The following NHERF2 variants were observed in gnomAD, a reference collection of about 807,000 sequenced individuals.
NHERF2 encodes the protein NHERF family PDZ scaffold protein 2.
chr16:2,033,272 G>C, the NHERF2 span: 61 of 1,530,114 alleles, frequency 4.0e-5, no homozygotes, highest in African/African-American at 7.9e-4. Flanking sequence ...GTAGATAAGT[G>C]GGGTGGCAGC....
the NHERF2 span, chr16:2,038,099 A>G: frequency 7.5e-7 from 1 of 1,339,660 alleles, no homozygotes; most frequent in Non-Finnish European, 1.0e-6. Context: ...GCCATTGCCC[A>G]GAAATCAGCC....
chr16:2,036,962 GCCGTCAC>G, the NHERF2 span: 1 of 1,555,384 alleles, frequency 6.4e-7, no homozygotes, highest in Non-Finnish European at 8.7e-7. Flanking sequence ...CAGGTCCTCT[GCCGTCAC>G]CCGTCACCAA....
the NHERF2 span, chr16:2,033,356 C>T: frequency 1.3e-6 from 2 of 1,533,206 alleles, no homozygotes; most frequent in Non-Finnish European, 1.7e-6. Context: ...GCTGTCATGG[C>T]ACGCTCCGGG....
At chr16:2,035,382 C>T in the NHERF2 span, 1 of 985,662 alleles carries the variant, frequency 1.0e-6, no homozygotes, top group Non-Finnish European at 1.2e-6. Flanking sequence ...CCTTGCCATG[C>T]CGCCCCAGCC....
chr16:2,031,359 G>A, the NHERF2 span, among the ~76,000 whole-genome samples: 6 of 152,158 alleles, frequency 3.9e-5, no homozygotes, highest in Non-Finnish European at 5.9e-5. Context: ...GAGGGTTGGG[G>A]CCTCCCTCTT....
At chr16:2,033,452 A>G in the NHERF2 span, 1 of 1,513,704 alleles carries the variant, frequency 6.6e-7, no homozygotes, top group African/African-American at 1.4e-5. Flanking sequence ...GGTGGGAGGA[A>G]GGGAGGGCTA....
At chr16:2,027,408 C>T in the NHERF2 span, among the ~76,000 whole-genome samples, 1 of 152,012 alleles carries the variant, frequency 6.6e-6, no homozygotes, top group Admixed American at 6.5e-5. Flanking sequence ...TGGGGGGGGG[C>T]ATCCTGGCAG....
chr16:2,030,742 C>A, the NHERF2 span, among the ~76,000 whole-genome samples: 1 of 151,452 alleles, frequency 6.6e-6, no homozygotes, highest in Non-Finnish European at 1.5e-5. Context: ...AATTTTGAGA[C>A]CAGCTTGACT....
chr16:2,033,537 C>G, the NHERF2 span: 1 of 1,229,554 alleles, frequency 8.1e-7, no homozygotes, highest in Non-Finnish European at 1.1e-6. Flanking sequence ...GCAGGCTGGT[C>G]GCTGAGCAAC....
the NHERF2 span, chr16:2,037,936 G>T: frequency 6.2e-7 from 1 of 1,613,190 alleles, no homozygotes; most frequent in Non-Finnish European, 8.5e-7. Context: ...ACAAGCGCGC[G>T]CCACAGATGG....
At chr16:2,036,297 G>A in the NHERF2 span, 1 of 1,585,768 alleles carries the variant, frequency 6.3e-7, no homozygotes, top group Admixed American at 1.7e-5. Flanking sequence ...TGGAGCAAGA[G>A]ACTGACCCTG....
the NHERF2 span, chr16:2,026,979 G>A: frequency 4.7e-3 from 4,779 of 1,008,186 alleles, 12 homozygotes; most frequent in Non-Finnish European, 5.5e-3. Flanking sequence ...GCCCCTGCCC[G>A]CGGGCGGCCG....
the NHERF2 span, chr16:2,027,146 C>T: frequency 6.8e-7 from 1 of 1,474,898 alleles, no homozygotes; most frequent in Non-Finnish European, 8.9e-7. Context: ...CCGCCGAGGC[C>T]GCCGCGCTGC....
the NHERF2 span, chr16:2,035,678 C>T: frequency 2.0e-6 from 2 of 985,812 alleles, no homozygotes; most frequent in Non-Finnish European, 2.4e-6. Flanking sequence ...CAGAGCCCTA[C>T]CGCAGGATGC....
At chr16:2,037,999 G>A in the NHERF2 span, 1 of 1,613,228 alleles carries the variant, frequency 6.2e-7, no homozygotes, top group Non-Finnish European at 8.5e-7. Flanking sequence ...CTTCCTGCCT[G>A]TCTCGGGACC....
chr16:2,035,657 G>A, the NHERF2 span: 1 of 985,798 alleles, frequency 1.0e-6, no homozygotes, highest in Non-Finnish European at 1.2e-6. Flanking sequence ...TGCCTGCATG[G>A]TCCCCTGGCC....
chr16:2,037,812 C>G, the NHERF2 span: 1 of 1,574,344 alleles, frequency 6.4e-7, no homozygotes, highest in Middle Eastern at 1.7e-4. Flanking sequence ...CCCCACCCAC[C>G]GTGCTCACCC....
At chr16:2,037,672 T>C in the NHERF2 span, 8 of 1,573,656 alleles carry the variant, frequency 5.1e-6, no homozygotes, top group African/African-American at 1.4e-5. Flanking sequence ...TCTGTGGAGA[T>C]GTCAGCCCGG....
At chr16:2,033,226 C>A in the NHERF2 span, 1 of 1,504,152 alleles carries the variant, frequency 6.6e-7, no homozygotes, top group East Asian at 2.5e-5. Context: ...CCCCACGTCC[C>A]CACCCATCCC....
Sources: allele counts gnomAD v4.1 joint callset (sites outside exome capture counted in the v4.1 genomes callset), GRCh38; gene constraint gnomAD v4.1.1; transcripts MANE v1.5; gene names NCBI Gene and HGNC (gene_info 2026-07-23, HGNC 2026-07-21).